PPP1R12A: variants seen among roughly 807,000 people sequenced by gnomAD.
PPP1R12A encodes protein phosphatase 1 regulatory subunit 12A.
Under a neutral mutation model 139.6 loss-of-function variants are expected in PPP1R12A, and 19 were observed. The observed-to-expected ratio is 0.14, with a 90% CI of 0.09 to 0.20. The LOEUF is 0.20. PPP1R12A is among the 10% of genes least tolerant of loss of function. PPP1R12A has a pLI of 1.00. For synonymous variants in PPP1R12A, 427 were observed against 420.6 expected (o/e 1.02, Z -0.19); for missense variants, 925 against 1,211.5 (o/e 0.76, Z 3.51).
At chr12:79,887,497 C>T (rs982368139) in intron 1 of PPP1R12A, among the ~76,000 whole-genome samples, 3 of 151,932 alleles carry the variant, frequency 2.0e-5, no homozygotes, top group Non-Finnish European at 2.9e-5. Flanking sequence ...AGCGATATAG[C>T]GAAATAAAGG....
At chr12:79,780,351 T>G (rs1870282457) in intron 23 of PPP1R12A, 1 of 152,092 alleles carries the variant, frequency 6.6e-6, no homozygotes, top group Non-Finnish European at 1.5e-5. Flanking sequence ...AATACCATGA[T>G]TATAGAGAGT....
intron 3 of PPP1R12A, among the ~76,000 whole-genome samples, chr12:79,835,778 CT>C (rs1159592250): frequency 2.0e-5 from 3 of 152,202 alleles, no homozygotes; most frequent in Non-Finnish European, 4.4e-5. Context: ...CATCTATAGT[CT>C]TTCTCCCTTA....
At chr12:79,788,855 C>A in intron 20 of PPP1R12A, 72 bp from the exon 21 acceptor site, 2 of 1,329,360 alleles carry the variant, frequency 1.5e-6, no homozygotes, top group African/African-American at 1.5e-5. Context: ...CATCCTAGTA[C>A]ACATATAACT....
At chr12:79,852,034 C>A (rs1256231047) in intron 2 of PPP1R12A, among the ~76,000 whole-genome samples, 4 of 152,118 alleles carry the variant, frequency 2.6e-5, no homozygotes, top group Admixed American at 6.5e-5. Flanking sequence ...CATGCTCATT[C>A]ATAATTGCTT....
intron 3 of PPP1R12A, among the ~76,000 whole-genome samples, chr12:79,835,233 C>T (rs1269746866): frequency 6.6e-6 from 1 of 152,156 alleles, no homozygotes; most frequent in Non-Finnish European, 1.5e-5. Flanking sequence ...CCTTGGGGAG[C>T]TGTCAGGCGT....
At position 79,778,565 on chromosome 12, in the gene PPP1R12A, C is replaced by T; in HGVS notation, c.2991G>A (p.Met997Ile). Residue 997 changes from methionine to isoleucine, a missense_variant, in exon 24 of 25, where the codon ATG becomes ATA. Physicochemically the swap from Met to Ile is conservative, Grantham distance 10. Transcript: ENST00000450142. ...GTTTACTTACTTTGAGCTCTTCTTC[C>T]ATTTCAGATATTCTTCTTTCTAGAG... Reference protein sequence around the residue: ...RRALERRISEMEEELKMLPDL... With the variant: ...RRALERRISEIEEELKMLPDL... 1 of 1,534,294 alleles carries T rather than the reference C, an allele frequency of 6.5e-7. No individual in the cohort carries two copies. Among genetic ancestry groups the T allele is most frequent in the Non-Finnish European group, 8.8e-7 (1 of 1,136,182 alleles).
chr12:79,865,665 T>C (rs1386388287), intron 2 of PPP1R12A, among the ~76,000 whole-genome samples: 3 of 152,124 alleles, frequency 2.0e-5, no homozygotes, highest in Admixed American at 6.5e-5. Context: ...AGCATCCCTA[T>C]ACACCAAAAC....
chr12:79,879,828 A>G (rs1037213065), intron 1 of PPP1R12A, among the ~76,000 whole-genome samples: 7 of 152,042 alleles, frequency 4.6e-5, no homozygotes, highest in African/African-American at 1.4e-4. Flanking sequence ...TATACTTAAG[A>G]GTTGTATACT....
intron 1 of PPP1R12A, among the ~76,000 whole-genome samples, chr12:79,929,189 T>C (rs1432012187): frequency 1.3e-5 from 2 of 152,168 alleles, no homozygotes; most frequent in African/African-American, 4.8e-5. Flanking sequence ...TCCGCACTCC[T>C]ATGGGAATCT....
intron 5 of PPP1R12A, chr12:79,825,110 G>A (rs1876607750): frequency 6.6e-6 from 1 of 152,114 alleles, no homozygotes; most frequent in African/African-American, 2.4e-5. Context: ...AGGTCATACA[G>A]GTCATTAAGA....
chr12:79,884,183 T>A lies in PPP1R12A; in HGVS notation c.238-11245A>T, dbSNP rs556391743. Among the ~76,000 whole-genome samples the A allele has an allele frequency of 5.3e-5, 8 of 152,252 alleles. No homozygotes were observed. In the South Asian group the frequency reaches 1.7e-3, roughly 31 times the overall value. Reference sequence around the variant, plus strand: ...AAGATAAAAGACTTTCATGACAAATTGGTAATTTTTAAAGTTTCTCCATTT... The same window carrying A: ...AAGATAAAAGACTTTCATGACAAATAGGTAATTTTTAAAGTTTCTCCATTT... On this transcript the variant is annotated intron_variant, in intron 1 of 24. Transcript: ENST00000450142.
At chr12:79,801,386 G>T (rs531960875) in intron 14 of PPP1R12A, among the ~76,000 whole-genome samples, 11 of 31,990 alleles carry the variant, frequency 3.4e-4, no homozygotes, top group Non-Finnish European at 8.7e-4. Flanking sequence ...AAAAAAAAAA[G>T]CCTCTTTCTT....
At chr12:79,809,523 C>T (rs1482863207) in intron 10 of PPP1R12A, among the ~76,000 whole-genome samples, 5 of 152,066 alleles carry the variant, frequency 3.3e-5, no homozygotes. Context: ...AATAAGCCTG[C>T]TCCTTAATAC....
At chr12:79,854,015 T>C (rs1009926040) in intron 2 of PPP1R12A, among the ~76,000 whole-genome samples, 1 of 152,214 alleles carries the variant, frequency 6.6e-6, no homozygotes, top group Non-Finnish European at 1.5e-5. Context: ...ATGTGTGTTG[T>C]TGGAATCGTA....
At chr12:79,810,051 G>A (rs2656041) in intron 9 of PPP1R12A, 41 bp from the exon 10 acceptor site, 8 of 1,455,988 alleles carry the variant, frequency 5.5e-6, no homozygotes, top group Non-Finnish European at 7.5e-6. Context: ...AAAAGAATTT[G>A]TAAAGCTGAT....
intron 2 of PPP1R12A, among the ~76,000 whole-genome samples, chr12:79,862,865 G>A (rs1028821755): frequency 1.3e-5 from 2 of 152,216 alleles, no homozygotes; most frequent in African/African-American, 2.4e-5. Flanking sequence ...AAGTGACGGG[G>A]AGAATGGAAC....
At chr12:79,877,461 G>A (rs1023186994) in intron 1 of PPP1R12A, among the ~76,000 whole-genome samples, 9 of 152,160 alleles carry the variant, frequency 5.9e-5, no homozygotes, top group Non-Finnish European at 1.2e-4. Flanking sequence ...TGAGATAAGA[G>A]AGTGACTTAC....
chr12:79,903,468 T>C (rs1034207437), intron 1 of PPP1R12A, among the ~76,000 whole-genome samples: 3 of 150,876 alleles, frequency 2.0e-5, no homozygotes, highest in Non-Finnish European at 4.4e-5. Flanking sequence ...AAAAAAATCA[T>C]ATAAAATTAC....
chr12:79,820,914 A>G lies in PPP1R12A; in HGVS notation c.974T>C (p.Ile325Thr), dbSNP rs1376796481. Residue 325 changes from isoleucine to threonine, a missense_variant, in exon 8 of 25, where the codon ATT (isoleucine) becomes ACT (threonine). Ile to Thr is a moderately conservative substitution (Grantham distance 89). This residue lies in a region of PPP1R12A where 403 missense variants were observed against 463.7 expected (regional missense o/e 0.87). Transcript: ENST00000450142. ...ACGGGATGCATTTTTCTCTGGTTCAATAATCAACGTCTCTTTGCTGTTAAA... is the reference window on the plus strand; with the variant it reads ...ACGGGATGCATTTTTCTCTGGTTCAGTAATCAACGTCTCTTTGCTGTTAAA... ...KTFKNKETLI[I>T]EPEKNASRIE... 1.9e-6 allele frequency: 3 copies of G among 1,613,446 alleles called. No individual in the cohort carries two copies. The highest frequency in any genetic ancestry group is 2.5e-6 in the Non-Finnish European group (3 of 1,179,742).
Sources: allele counts gnomAD v4.1 joint callset (sites outside exome capture counted in the v4.1 genomes callset), GRCh38; gene constraint gnomAD v4.1.1; regional missense constraint gnomAD v4.1.1; transcripts MANE v1.5; gene names NCBI Gene and HGNC (gene_info 2026-07-23, HGNC 2026-07-21).